XKR4: variants seen among roughly 807,000 people sequenced by gnomAD.
XKR4 encodes the protein XK-related protein 4.
In XKR4, 12 loss-of-function variants were observed where a neutral mutation model predicts 53.9. The ratio of observed to expected loss-of-function variants is 0.22; its 90% CI spans 0.14 to 0.36. XKR4 has a LOEUF of 0.36. Among genes scored for constraint, XKR4 ranks in the 10% least tolerant of loss-of-function variants. XKR4 has a pLI of 1.00. For missense variants in XKR4, 799 were observed against 859.5 expected (o/e 0.93, Z 0.88); for synonymous variants, 354 against 362.4 (o/e 0.98, Z 0.26).
intron 1 of XKR4, among the ~76,000 whole-genome samples, chr8:55,355,282 A>G (rs566935231): frequency 6.6e-6 from 1 of 152,288 alleles, no homozygotes; most frequent in East Asian, 1.9e-4. Context: ...TACACACACC[A>G]CAGTGAGAAG....
intron 2 of XKR4, among the ~76,000 whole-genome samples, chr8:55,407,052 C>T (rs750918668): frequency 2.6e-5 from 4 of 152,154 alleles, no homozygotes; most frequent in African/African-American, 9.7e-5. Flanking sequence ...CCAAGGACAG[C>T]GATCCTTCTT....
At chr8:55,268,060 C>A (rs566673869) in intron 1 of XKR4, among the ~76,000 whole-genome samples, 1 of 152,290 alleles carries the variant, frequency 6.6e-6, no homozygotes, top group South Asian at 2.1e-4. Flanking sequence ...CAGTTGGGCT[C>A]TGTCCTATAT....
At chr8:55,450,180 G>A (rs1805414469) in intron 2 of XKR4, 3 of 667,886 alleles carry the variant, frequency 4.5e-6, no homozygotes, top group African/African-American at 1.8e-5. Flanking sequence ...GGGCTCGGGG[G>A]CAGCTGTGGT....
intron 1 of XKR4, among the ~76,000 whole-genome samples, chr8:55,208,828 C>A (rs893531996): frequency 1.3e-5 from 2 of 152,088 alleles, no homozygotes; most frequent in Non-Finnish European, 2.9e-5. Context: ...GCAGTTTGTC[C>A]CCTGCAAGCC....
At position 55,528,070 on chromosome 8, in the gene XKR4, T is replaced by C. The variant is rs2129406420; in HGVS notation, c.*3843T>C. On this transcript the variant is annotated 3_prime_UTR_variant, in exon 3 of 3. Transcript: ENST00000327381. ...GAAAAGGATAAAGTATATACTGCTT[T>C]TGAATGTATATAAAGTGGTATGTTA... The C allele has an allele frequency of 6.6e-6, 1 of 152,348 alleles. No homozygotes were observed. Among genetic ancestry groups the C allele is most frequent in the African/African-American group, 2.4e-5 (1 of 41,578 alleles). The allele number at this position is 152,348 out of a possible 1,614,324, so 9.4% of individuals were successfully genotyped here. A position where few individuals can be genotyped will look rare whatever the true frequency, so the allele number is the denominator to read the frequency against.
intron 1 of XKR4, among the ~76,000 whole-genome samples, chr8:55,345,425 A>G (rs1192381129): frequency 1.3e-5 from 2 of 152,240 alleles, no homozygotes; most frequent in Non-Finnish European, 2.9e-5. Flanking sequence ...CATGATGTGT[A>G]GCCACTGAAA....
chr8:55,459,408 TTAAA>T (rs1805615702), intron 2 of XKR4, among the ~76,000 whole-genome samples: 1 of 152,078 alleles, frequency 6.6e-6, no homozygotes, highest in South Asian at 2.1e-4. Flanking sequence ...GTGTGACTCA[TTAAA>T]TAATATAATT....
intron 1 of XKR4, among the ~76,000 whole-genome samples, chr8:55,245,602 A>T (rs1372051439): frequency 6.6e-6 from 1 of 151,980 alleles, no homozygotes; most frequent in African/African-American, 2.4e-5. Flanking sequence ...CTCTACTTGG[A>T]TGTCAAACTT....
chr8:55,472,125 G>T (rs1805894739), intron 2 of XKR4, among the ~76,000 whole-genome samples: 1 of 152,138 alleles, frequency 6.6e-6, no homozygotes, highest in Admixed American at 6.5e-5. Context: ...CGAGTATCAT[G>T]ATCCTGTTCA....
intron 1 of XKR4, among the ~76,000 whole-genome samples, chr8:55,289,630 A>G (rs1182947411): frequency 7.4e-6 from 1 of 135,380 alleles, no homozygotes; most frequent in East Asian, 2.4e-4. Flanking sequence ...AGAAAGAAAG[A>G]AAGAAAGAAA....
At chr8:55,234,974 C>T (rs968680016) in intron 1 of XKR4, among the ~76,000 whole-genome samples, 4 of 152,110 alleles carry the variant, frequency 2.6e-5, no homozygotes, top group South Asian at 2.1e-4. Flanking sequence ...TTCCTGTGGC[C>T]GCCATAACAA....
At chr8:55,520,239 G>C (rs1227946595) in intron 2 of XKR4, among the ~76,000 whole-genome samples, 1 of 152,204 alleles carries the variant, frequency 6.6e-6, no homozygotes, top group Admixed American at 6.5e-5. Context: ...TTTCTGTTCA[G>C]CATATATTTG....
chr8:55,470,113 C>T (rs1354769), intron 2 of XKR4, among the ~76,000 whole-genome samples: 50,034 of 151,902 alleles, frequency 0.33, 9,736 homozygotes, highest in African/African-American at 0.55. Context: ...GTAACCCTAT[C>T]GGCTTAATAT....
At chr8:55,463,172 A>G (rs1233069883) in intron 2 of XKR4, among the ~76,000 whole-genome samples, 1 of 152,206 alleles carries the variant, frequency 6.6e-6, no homozygotes, top group Admixed American at 6.5e-5. Context: ...CAGAATATAC[A>G]TTCTTTTCAG....
intron 1 of XKR4, among the ~76,000 whole-genome samples, chr8:55,289,695 G>GGA (rs1818971334): frequency 1.1e-5 from 1 of 87,700 alleles, no homozygotes; most frequent in African/African-American, 3.3e-5. Flanking sequence ...AAGAAAGAAA[G>GGA]AGAAAGAAAG....
At chr8:55,442,102 T>C (rs1805277922) in intron 2 of XKR4, among the ~76,000 whole-genome samples, 1 of 151,958 alleles carries the variant, frequency 6.6e-6, no homozygotes. Flanking sequence ...CTAACAATGA[T>C]GATCAAAAAT....
At chr8:55,486,568 T>C (rs910800417) in intron 2 of XKR4, among the ~76,000 whole-genome samples, 3 of 152,244 alleles carry the variant, frequency 2.0e-5, no homozygotes, top group Non-Finnish European at 4.4e-5. Context: ...GTTGGCATTA[T>C]GTGTGAAGGG....
chr8:55,154,348 C>T (rs1187555289), intron 1 of XKR4, among the ~76,000 whole-genome samples: 1 of 152,116 alleles, frequency 6.6e-6, no homozygotes, highest in African/African-American at 2.4e-5. Context: ...TCACATCGTT[C>T]TTGTGTTGTG....
At position 55,527,708 on chromosome 8, in the gene XKR4, AC is replaced by A. The variant is rs1806897264; in HGVS notation, c.*3482del. The stretch of plus-strand genomic sequence containing the variant: ...CTTAGTTACTACTCATTTGTGATAA[AC>A]GCTGTTAACCCAACAAATATAATAA... On this transcript the variant is annotated 3_prime_UTR_variant, in exon 3 of 3. Transcript: ENST00000327381. The A allele has an allele frequency of 1.3e-5, 2 of 152,192 alleles. No individual in the cohort carries two copies. Among genetic ancestry groups the A allele is most frequent in the Admixed American group, 1.3e-4 (2 of 15,274 alleles). 9.4% of individuals were successfully genotyped at this position (152,192 alleles called of 1,614,324 possible).
Sources: allele counts gnomAD v4.1 joint callset (sites outside exome capture counted in the v4.1 genomes callset), GRCh38; gene constraint gnomAD v4.1.1; transcripts MANE v1.5; gene names NCBI Gene and HGNC (gene_info 2026-07-23, HGNC 2026-07-21).